SPATA31H1: variants seen among roughly 807,000 people sequenced by gnomAD.
SPATA31H1 encodes the protein spermatogenesis-associated protein 31H1.
the SPATA31H1 span, among the ~76,000 whole-genome samples, chr2:27,539,619 A>G: frequency 1.8e-3 from 197 of 107,496 alleles, no homozygotes; most frequent in African/African-American, 6.7e-3. Context: ...CCCATCCCCA[A>G]TGAGCCGCTG....
chr2:27,553,494 T>A, the SPATA31H1 span, among the ~76,000 whole-genome samples: 2 of 152,114 alleles, frequency 1.3e-5, no homozygotes, highest in Admixed American at 1.3e-4. Flanking sequence ...TCTCATTTTT[T>A]GCAAAAGGGA....
At chr2:27,578,913 T>A in the SPATA31H1 span, 3 of 1,614,140 alleles carry the variant, frequency 1.9e-6, no homozygotes, top group Admixed American at 1.7e-5. Flanking sequence ...TGAAGAGACC[T>A]ATATAGACCC....
chr2:27,552,517 A>G, the SPATA31H1 span, among the ~76,000 whole-genome samples: 1 of 152,066 alleles, frequency 6.6e-6, no homozygotes, highest in Non-Finnish European at 1.5e-5. Context: ...AAAATCAGGA[A>G]GTATGAGTCC....
the SPATA31H1 span, among the ~76,000 whole-genome samples, chr2:27,553,112 A>AG: frequency 1.3e-5 from 2 of 152,240 alleles, no homozygotes; most frequent in Non-Finnish European, 1.5e-5. Context: ...TTGCAGCCCC[A>AG]GGACTTTGCC....
the SPATA31H1 span, chr2:27,579,216 C>A: frequency 1.9e-6 from 3 of 1,614,036 alleles, no homozygotes; most frequent in African/African-American, 2.7e-5. Context: ...TGCCTGGAGG[C>A]AGCGACTACC....
At chr2:27,540,544 C>T in the SPATA31H1 span, among the ~76,000 whole-genome samples, 1 of 141,462 alleles carries the variant, frequency 7.1e-6, no homozygotes, top group Non-Finnish European at 1.5e-5. Flanking sequence ...CCCCACCTCC[C>T]TCCCGGTCGG....
the SPATA31H1 span, chr2:27,577,058 A>G: frequency 6.2e-7 from 1 of 1,614,182 alleles, no homozygotes; most frequent in Non-Finnish European, 8.5e-7. This position sits in a 1 kb window ranked among gnomAD's most constrained non-coding sequence, Gnocchi z 4.5. Context: ...AATCTTCAGA[A>G]ATGGCACAAG....
chr2:27,567,061 A>G, the SPATA31H1 span: 1 of 717,480 alleles, frequency 1.4e-6, no homozygotes, highest in African/African-American at 1.7e-5. Flanking sequence ...AAAATTTTTC[A>G]GAATTTGGCA....
the SPATA31H1 span, chr2:27,577,870 CTG>C: frequency 6.2e-7 from 1 of 1,613,996 alleles, no homozygotes; most frequent in East Asian, 2.2e-5. The surrounding 1 kb of genome is among the most constrained non-coding windows in gnomAD (Gnocchi z 4.5). Flanking sequence ...CATGAAGAAT[CTG>C]TAGAGCTCAC....
chr2:27,572,222 C>T, the SPATA31H1 span: 1 of 398,394 alleles, frequency 2.5e-6, no homozygotes, highest in Non-Finnish European at 4.4e-6. Flanking sequence ...CCAAGTTGAC[C>T]CCAGGACCAC....
chr2:27,540,077 C>T, the SPATA31H1 span, among the ~76,000 whole-genome samples: 2,582 of 43,820 alleles, frequency 0.059, no homozygotes, highest in Non-Finnish European at 0.071. Flanking sequence ...CCTCACTTCC[C>T]AGTAGGGGCG....
chr2:27,549,510 A>T, the SPATA31H1 span, among the ~76,000 whole-genome samples: 1 of 151,426 alleles, frequency 6.6e-6, no homozygotes, highest in Non-Finnish European at 1.5e-5. Context: ...GCTAATTTTT[A>T]AAATTTCTTC....
At chr2:27,540,526 G>C in the SPATA31H1 span, among the ~76,000 whole-genome samples, 1 of 100,950 alleles carries the variant, frequency 9.9e-6, no homozygotes. Flanking sequence ...GCGGGGGGCT[G>C]ACCCCCCCCC....
chr2:27,563,314 C>G, the SPATA31H1 span, among the ~76,000 whole-genome samples: 1 of 142,348 alleles, frequency 7.0e-6, no homozygotes, highest in Non-Finnish European at 1.5e-5. Context: ...AGGAATTTAA[C>G]TATTTTATCA....
chr2:27,542,628 A>G, the SPATA31H1 span, among the ~76,000 whole-genome samples: 11 of 152,058 alleles, frequency 7.2e-5, no homozygotes, highest in African/African-American at 2.7e-4. Flanking sequence ...CTATAGTTAT[A>G]TGGGGGTCAC....
chr2:27,540,022 C>G, the SPATA31H1 span, among the ~76,000 whole-genome samples: 176 of 125,716 alleles, frequency 1.4e-3, no homozygotes, highest in African/African-American at 5.2e-3. Flanking sequence ...GGGGCTGACC[C>G]CCCCACCTCC....
the SPATA31H1 span, chr2:27,574,157 G>A: frequency 2.5e-6 from 1 of 398,500 alleles, no homozygotes; most frequent in Non-Finnish European, 4.4e-6. Flanking sequence ...CGATACCGAA[G>A]ACAAAGCTTC....
chr2:27,556,722 T>G, the SPATA31H1 span, among the ~76,000 whole-genome samples: 1 of 147,200 alleles, frequency 6.8e-6, no homozygotes, highest in African/African-American at 2.5e-5. Context: ...TTTATTTTTT[T>G]TTTATTGATC....
chr2:27,581,347 G>T, the SPATA31H1 span: 13 of 1,613,792 alleles, frequency 8.1e-6, no homozygotes, highest in Non-Finnish European at 4.2e-6. Flanking sequence ...AGCCACTGCA[G>T]TCCCTCTAGG....
Sources: allele counts gnomAD v4.1 joint callset (sites outside exome capture counted in the v4.1 genomes callset), GRCh38; gene constraint gnomAD v4.1.1; non-coding constraint Gnocchi (gnomAD v3.1); transcripts MANE v1.5; gene names NCBI Gene and HGNC (gene_info 2026-07-23, HGNC 2026-07-21).